The following GOSR2 variants were observed in gnomAD, a reference collection of about 807,000 sequenced individuals.
GOSR2 encodes 27 kDa Golgi SNARE protein.
A neutral mutation model predicts 27.9 loss-of-function variants in GOSR2; 20 were observed. That is an observed-to-expected ratio of 0.72 (90% CI 0.50 to 1.04). The LOEUF is 1.04. Ranked by LOEUF, GOSR2 falls within the 50% of genes least tolerant of loss-of-function variation. The probability of loss-of-function intolerance (pLI) is 0.00; values close to 1 mark genes in which losing one functional copy is unlikely to be tolerated. For missense variants in GOSR2, 261 were observed against 270.5 expected, an observed-to-expected ratio of 0.97 and a Z score of 0.25; for synonymous variants, 91 against 98.8, an observed-to-expected ratio of 0.92 and a Z score of 0.47.
In GOSR2 at chr17:46,940,169, A is replaced by C; in HGVS notation, c.*1409A>C. ...TGTAGTCATGTTGGTCCTTTCAGGC[A>C]CCTCTGTGGCATAGCTCCCCTTTGG... is the stretch of plus-strand genomic sequence containing the variant. On this transcript the variant is annotated 3_prime_UTR_variant, in exon 6 of 6. Transcript: ENST00000640051. 1 of 1,337,254 alleles carries C rather than the reference A, an allele frequency of 7.5e-7. No individual in the cohort carries two copies. The highest frequency in any genetic ancestry group is 9.6e-7 in the Non-Finnish European group (1 of 1,041,550). The allele number at this position is 1,337,254 out of a possible 1,614,324, so 82.8% of individuals were successfully genotyped here.
downstream of GOSR2, chr17:46,942,106 AGT>A (rs2089360963): frequency 4.1e-6 from 1 of 243,940 alleles, no homozygotes; most frequent in African/African-American, 2.3e-5. Flanking sequence ...AAATCAAGTC[AGT>A]GTAGAATGTC....
chr17:46,956,831 C>T (rs745327440), intron 6 of GOSR2, among the ~76,000 whole-genome samples: 1 of 152,176 alleles, frequency 6.6e-6, no homozygotes, highest in South Asian at 2.1e-4. Flanking sequence ...CCCTCACTCC[C>T]GCCCCAAGAC....
Position 46,972,430 on chromosome 17 carries a change from AT to A in GOSR2, c.616-2767del, listed in dbSNP as rs145032467. On this transcript the variant is annotated intron_variant, in intron 6 of 6. Transcript: ENST00000640723. Reference sequence around the variant, plus strand: ...GAAGGAGAACCTGGGACAGGAAAGGATTCCCAGCAAAGGGTTGCACACTGGG... The same window carrying A: ...GAAGGAGAACCTGGGACAGGAAAGGATCCCAGCAAAGGGTTGCACACTGGG... 3.1e-3 allele frequency among the ~76,000 whole-genome samples: 465 copies of A among 152,332 alleles called. 4 individuals are homozygous for A. The highest frequency in any genetic ancestry group is 9.2e-3 in the African/African-American group (383 of 41,570).
chr17:46,931,362 A>C lies in GOSR2; in HGVS notation c.203+155A>C, dbSNP rs577905791. 4 of 664,046 alleles carry C rather than the reference A, an allele frequency of 6.0e-6. No homozygotes were observed. The South Asian group carries it at 7.0e-5, about 12-fold the overall frequency. The allele number at this position is 664,046 out of a possible 1,614,324, so 41.1% of individuals were successfully genotyped here. A position where few individuals can be genotyped will look rare whatever the true frequency, so the allele number is the denominator to read the frequency against. ...AAGCCCCCTCAAAGGGCACAATTCT[A>C]TCTGAGTGATGCCGCTCAAAATAAA... On this transcript the variant is annotated intron_variant, in intron 3 of 5. Coordinates refer to ENST00000640051, the MANE Select transcript of GOSR2 (RefSeq NM_004287.5).
intron 6 of GOSR2, among the ~76,000 whole-genome samples, chr17:46,947,958 CAG>C (rs1477912399): frequency 6.6e-6 from 1 of 152,178 alleles, no homozygotes; most frequent in Non-Finnish European, 1.5e-5. Context: ...TTACTAGAGA[CAG>C]AGTTTCACCA....
chr17:46,946,770 T>C (rs2089935880), downstream of GOSR2, among the ~76,000 whole-genome samples: 2 of 150,962 alleles, frequency 1.3e-5, no homozygotes, highest in South Asian at 4.2e-4. Flanking sequence ...GGCTGAGACA[T>C]GAGAATTGTT....
intron 1 of GOSR2, among the ~76,000 whole-genome samples, chr17:46,925,016 C>T (rs2086275625): frequency 6.6e-6 from 1 of 152,162 alleles, no homozygotes; most frequent in African/African-American, 2.4e-5. Context: ...ACAGAGAAAA[C>T]TGCATGGCTC....
chr17:46,951,237 C>T (rs960291059), intron 6 of GOSR2, among the ~76,000 whole-genome samples: 20 of 152,148 alleles, frequency 1.3e-4, no homozygotes, highest in South Asian at 6.2e-4. Context: ...GCTGGAACGG[C>T]GGGTTCCAGA....
chr17:46,965,718 G>C (rs529053087), intron 6 of GOSR2, among the ~76,000 whole-genome samples: 4 of 152,182 alleles, frequency 2.6e-5, no homozygotes, highest in African/African-American at 9.6e-5. Context: ...GACCTCCTGG[G>C]CTCAATTGAT....
chr17:46,960,123 T>G (rs755561043), intron 6 of GOSR2, among the ~76,000 whole-genome samples: 7 of 152,124 alleles, frequency 4.6e-5, no homozygotes, highest in Non-Finnish European at 7.3e-5. Context: ...ACCAAAAGAC[T>G]GGTATCCAAA....
chr17:46,941,248 CT>C lies in GOSR2; in HGVS notation c.*2489del. 2 of 992,062 alleles carry C rather than the reference CT, an allele frequency of 2.0e-6. No homozygotes were observed. The highest frequency in any genetic ancestry group is 2.4e-6 in the Non-Finnish European group (2 of 833,146). 61.5% of individuals were successfully genotyped at this position (992,062 alleles called of 1,614,324 possible). A position where few individuals can be genotyped will look rare whatever the true frequency, so the allele number is the denominator to read the frequency against. On this transcript the variant is annotated 3_prime_UTR_variant, in exon 6 of 6. Coordinates refer to ENST00000640051, the MANE Select transcript of GOSR2 (RefSeq NM_004287.5). ...ATTTTTTAGACTTCACTGCGGAGTT[CT>C]GTACACCCTTTGCCCTGATGAATTT... is the stretch of plus-strand genomic sequence containing the variant.
downstream of GOSR2, among the ~76,000 whole-genome samples, chr17:46,969,878 TG>T (rs1568220050): frequency 6.6e-6 from 1 of 152,176 alleles, no homozygotes; most frequent in African/African-American, 2.4e-5. Context: ...GCCCCCTCTC[TG>T]GTGCCCACTT....
At chr17:46,924,262 G>C (rs2086163813) in intron 1 of GOSR2, 1 of 163,406 alleles carries the variant, frequency 6.1e-6, no homozygotes, top group South Asian at 2.0e-4. Context: ...TGTTTTCAGG[G>C]TTCATCTATA....
chr17:46,963,024 A>C (rs1247260696), intron 6 of GOSR2, among the ~76,000 whole-genome samples: 1 of 126,930 alleles, frequency 7.9e-6, no homozygotes, highest in Non-Finnish European at 1.9e-5. Flanking sequence ...CATGGCTAAT[A>C]AAGAATAGAA....
chr17:46,958,446 C>T (rs925105347), intron 6 of GOSR2, among the ~76,000 whole-genome samples: 8 of 152,174 alleles, frequency 5.3e-5, no homozygotes, highest in Non-Finnish European at 1.2e-4. Context: ...CTTTTATTCT[C>T]GAACTGAAGG....
chr17:46,957,258 T>G (rs1351580190), intron 6 of GOSR2, among the ~76,000 whole-genome samples: 1 of 151,872 alleles, frequency 6.6e-6, no homozygotes, highest in African/African-American at 2.4e-5. Context: ...TGAGCTGAGT[T>G]TACATCACTG....
intron 6 of GOSR2, among the ~76,000 whole-genome samples, chr17:46,959,365 G>A (rs1010379822): frequency 2.0e-5 from 3 of 152,174 alleles, no homozygotes; most frequent in African/African-American, 7.2e-5. Context: ...CCTTTTAAGT[G>A]TATTTCTTTT....
intron 1 of GOSR2, 92 bp downstream of exon 1, chr17:46,923,313 G>A (rs1050325997): frequency 7.8e-6 from 12 of 1,543,092 alleles, no homozygotes; most frequent in Non-Finnish European, 1.0e-5. Flanking sequence ...GTCAGCCAGG[G>A]TAGAGGCCGA....
In GOSR2 at chr17:46,940,852, CA is replaced by C. The variant is rs2089173839; in HGVS notation, c.*2093del. The C allele has an allele frequency of 2.8e-6, 4 of 1,441,528 alleles. No homozygotes were observed. The highest frequency in any genetic ancestry group is 1.4e-5 in the South Asian group (1 of 69,402). The allele number at this position is 1,441,528 out of a possible 1,614,324, so 89.3% of individuals were successfully genotyped here. ...ACAGCAGCCAGTGTGTCTGGACACCCAGGGGCATTGAGACTGCATGTTGTCA... is the reference window on the plus strand; with the variant it reads ...ACAGCAGCCAGTGTGTCTGGACACCCGGGGCATTGAGACTGCATGTTGTCA... On this transcript the variant is annotated 3_prime_UTR_variant, in exon 6 of 6. Coordinates refer to ENST00000640051, the MANE Select transcript of GOSR2 (RefSeq NM_004287.5).
Sources: gnomAD v4.1 joint callset for allele counts (sites outside exome capture counted in the v4.1 genomes callset) on GRCh38, gnomAD v4.1.1 for gene constraint, MANE v1.5 for transcripts, NCBI Gene and HGNC (gene_info 2026-07-23, HGNC 2026-07-21) for gene names.